CLN8: variants seen among roughly 807,000 people sequenced by gnomAD.
CLN8 encodes the protein CLN8 transmembrane ER and ERGIC protein.
A neutral mutation model predicts 15.7 loss-of-function variants in CLN8; 14 were observed. That is an observed-to-expected ratio of 0.89 (90% confidence interval 0.59 to 1.39). CLN8 has a LOEUF of 1.39. Among genes scored for constraint, CLN8 ranks in the 40% most tolerant of loss-of-function variants. The pLI is 0.00. For missense variants in CLN8, 415 were observed against 364.0 expected (o/e 1.14, Z -1.14); for synonymous variants, 188 against 151.0 (o/e 1.25, Z -1.80).
chr8:1,775,057 G>T (rs998111448), intron 2 of CLN8, among the ~76,000 whole-genome samples: 9 of 152,252 alleles, frequency 5.9e-5, no homozygotes, highest in Middle Eastern at 6.8e-3. Flanking sequence ...TATGTATACA[G>T]TCGACCTTCT....
Position 1,780,838 on chromosome 8 carries a change from G to A in CLN8, c.*271G>A, listed in dbSNP as rs1182959946. ...TAGGAGAGGAGTCCATGGTGTCCAG[G>A]CATCGGGGCGTCACACCTGTTGAGG... On this transcript the variant is annotated 3_prime_UTR_variant, in exon 3 of 3. Transcript: ENST00000331222. 17 of 534,820 alleles carry A rather than the reference G, an allele frequency of 3.2e-5. No homozygotes were observed. Among genetic ancestry groups the A allele is most frequent in the Non-Finnish European group, 4.7e-5 (14 of 300,114 alleles). 33.1% of individuals were successfully genotyped at this position (534,820 alleles called of 1,614,324 possible). A position where few individuals can be genotyped will look rare whatever the true frequency, so the allele number is the denominator to read the frequency against.
rs768139689 is a variant in CLN8, at chr8:1,771,577, G to A, written c.523G>A (p.Val175Ile). 112 of 1,613,802 alleles carry A rather than the reference G, an allele frequency of 6.9e-5. No individual in the cohort carries two copies. Among genetic ancestry groups the A allele is most frequent in the South Asian group, 5.7e-4 (52 of 91,086 alleles). ...LLEMSTPFTC[V>I]SWMLLKAGWS... is the part of the protein sequence containing the mutation. ...GGAGATGAGCACGCCCTTTACCTGC[G>A]TTTCCTGGATGCTCTTAAAGGTAAG... Residue 175 changes from valine to isoleucine, a missense_variant, in exon 2 of 3, where the codon GTT (valine) becomes ATT (isoleucine). Coordinates refer to ENST00000331222, the MANE Select transcript of CLN8 (RefSeq NM_018941.4).
At chr8:1,768,381 C>T (rs1801151327) in intron 1 of CLN8, among the ~76,000 whole-genome samples, 1 of 152,206 alleles carries the variant, frequency 6.6e-6, no homozygotes, top group South Asian at 2.1e-4. Context: ...TGAAGCATCA[C>T]TTGGGCTCAC....
At position 1,771,046 on chromosome 8, in the gene CLN8, C is replaced by A. The variant is rs953594605; in HGVS notation, c.-9C>A. ...GCCCCAGGACTCCTTTGGAATATAG[C>A]TGTGGACAATGAATCCTGCGAGCGA... On this transcript the variant is annotated 5_prime_UTR_variant, in exon 2 of 3. It adds an upstream start codon to the 5' untranslated region. Coordinates refer to ENST00000331222, the MANE Select transcript of CLN8 (RefSeq NM_018941.4). 2 of 1,613,820 alleles carry A rather than the reference C, an allele frequency of 1.2e-6. No individual in the cohort carries two copies. Among genetic ancestry groups the A allele is most frequent in the Non-Finnish European group, 1.7e-6 (2 of 1,179,986 alleles).
chr8:1,761,884 C>T (rs571177008), upstream of CLN8: 1 of 152,310 alleles, frequency 6.6e-6, no homozygotes, highest in Admixed American at 6.5e-5. Flanking sequence ...TCCCCAGGAG[C>T]AATTTAGGGA....
intron 1 of CLN8, among the ~76,000 whole-genome samples, chr8:1,769,974 C>G (rs368426699): frequency 2.6e-4 from 39 of 152,282 alleles, no homozygotes; most frequent in African/African-American, 7.9e-4. Context: ...ACAGCAGTCC[C>G]AATCAGTCAC....
At position 1,784,139 on chromosome 8, in the gene CLN8, GC is replaced by G. The variant is rs1248414613; in HGVS notation, c.*3573del. 1 of 152,230 alleles carries G rather than the reference GC, an allele frequency of 6.6e-6. No homozygotes were observed. The highest frequency in any genetic ancestry group is 1.5e-5 in the Non-Finnish European group (1 of 68,112). The allele number at this position is 152,230 out of a possible 1,614,324, so 9.4% of individuals were successfully genotyped here. On this transcript the variant is annotated 3_prime_UTR_variant, in exon 3 of 3. Coordinates refer to ENST00000331222, the MANE Select transcript of CLN8 (RefSeq NM_018941.4). ...CATCTCTACTAAAAAAACAAAACTA[GC>G]TGGGGGTGGTGGTGCATGCCTGTGG...
Position 1,771,389 on chromosome 8 carries a change from G to T in CLN8, c.335G>T (p.Gly112Val), listed in dbSNP as rs1304439072. 2 of 1,614,060 alleles carry T rather than the reference G, an allele frequency of 1.2e-6. No homozygotes were observed. The highest frequency in any genetic ancestry group is 4.5e-5 in the East Asian group (2 of 44,884). Residue 112 changes from glycine (G) to valine (V), a missense_variant, in exon 2 of 3, where the codon GGA becomes GTA. Physicochemically the swap from Gly to Val is moderately radical, Grantham distance 109. Transcript: ENST00000331222. ...WCWFHITTAT[G>V]FFCFENVAVH... is the part of the protein sequence containing the mutation. ...TGGTTTCACATCACGACAGCAACGGGATTCTTTTGCTTTGAAAATGTTGCA... is the reference window on the plus strand; with the variant it reads ...TGGTTTCACATCACGACAGCAACGGTATTCTTTTGCTTTGAAAATGTTGCA...
intron 2 of CLN8, chr8:1,773,920 A>G (rs1379146956): frequency 6.6e-6 from 1 of 152,274 alleles, no homozygotes. Context: ...TGACTAAATT[A>G]TTAATACATC....
Position 1,784,635 on chromosome 8 carries a change from C to G in CLN8, c.*4068C>G, listed in dbSNP as rs1801785602. 1 of 152,336 alleles carries G rather than the reference C, an allele frequency of 6.6e-6. No homozygotes were observed. Among genetic ancestry groups the G allele is most frequent in the Non-Finnish European group, 1.5e-5 (1 of 68,168 alleles). 9.4% of individuals were successfully genotyped at this position (152,336 alleles called of 1,614,324 possible). On this transcript the variant is annotated 3_prime_UTR_variant, in exon 3 of 3. Coordinates refer to ENST00000331222, the MANE Select transcript of CLN8 (RefSeq NM_018941.4). The stretch of plus-strand genomic sequence containing the variant: ...CGGGCAGGGTTGCATCTGTTTTATT[C>G]TCTGATTGATTCTAAGCCCCATGTC...
Position 1,770,984 on chromosome 8 carries a change from C to T in CLN8, c.-71C>T, listed in dbSNP as rs566084111. ...GGGACCGCTGCACTGACTTCATTTCCTTAGACAAGACACAGTGTAGGGCCC... is the reference window on the plus strand; with the variant it reads ...GGGACCGCTGCACTGACTTCATTTCTTTAGACAAGACACAGTGTAGGGCCC... On this transcript the variant is annotated 5_prime_UTR_variant, in exon 2 of 3. Coordinates refer to ENST00000331222, the MANE Select transcript of CLN8 (RefSeq NM_018941.4). 3.4e-6 allele frequency: 5 copies of T among 1,461,416 alleles called. No homozygotes were observed. The South Asian group carries it at 5.7e-5, about 17-fold the overall frequency. 90.5% of individuals were successfully genotyped at this position (1,461,416 alleles called of 1,614,324 possible). A position where few individuals can be genotyped will look rare whatever the true frequency, so the allele number is the denominator to read the frequency against.
chr8:1,762,061 C>T (rs575790995), upstream of CLN8: 9 of 152,332 alleles, frequency 5.9e-5, no homozygotes, highest in Admixed American at 5.9e-4. Flanking sequence ...GGCCTACACC[C>T]AGGAATGAAC....
intron 2 of CLN8, among the ~76,000 whole-genome samples, chr8:1,774,172 G>C (rs1024026333): frequency 2.6e-5 from 4 of 152,170 alleles, no homozygotes; most frequent in African/African-American, 9.7e-5. Context: ...TGGTGGTGGA[G>C]CCCAGCCTCC....
At chr8:1,753,407 C>T (rs773244774), upstream of CLN8, among the ~76,000 whole-genome samples, 1 of 151,798 alleles carries the variant, frequency 6.6e-6, no homozygotes. Flanking sequence ...CCCATCTCTA[C>T]TAAAAATACA....
chr8:1,771,125 G>A lies in CLN8; in HGVS notation c.71G>A (p.Arg24His), dbSNP rs762079123. Reference protein sequence around the residue: ...FDLDYASWGIRSTLMVAGFVF... With the variant: ...FDLDYASWGIHSTLMVAGFVF... ...CTGGACTATGCATCCTGGGGGATCC[G>A]CTCCACGCTGATGGTCGCTGGCTTT... Residue 24 changes from arginine (R) to histidine (H), a missense_variant, in exon 2 of 3, where the codon CGC (arginine) becomes CAC (histidine). Coordinates refer to ENST00000331222, the MANE Select transcript of CLN8 (RefSeq NM_018941.4). 8 of 1,614,002 alleles carry A rather than the reference G, an allele frequency of 5.0e-6. No individual in the cohort carries two copies. In the East Asian group the frequency reaches 6.7e-5, roughly 13 times the overall value.
chr8:1,783,853 G>T lies in CLN8; in HGVS notation c.*3286G>T, dbSNP rs558996077. 5 of 152,284 alleles carry T rather than the reference G, an allele frequency of 3.3e-5. No individual in the cohort carries two copies. The highest frequency in any genetic ancestry group is 1.2e-4 in the African/African-American group (5 of 41,476). The allele number at this position is 152,284 out of a possible 1,614,324, so 9.4% of individuals were successfully genotyped here. A position where few individuals can be genotyped will look rare whatever the true frequency, so the allele number is the denominator to read the frequency against. On this transcript the variant is annotated 3_prime_UTR_variant, in exon 3 of 3. Coordinates refer to ENST00000331222, the MANE Select transcript of CLN8 (RefSeq NM_018941.4). ...TGACGTGCCCAAGGTGACGCAACTC[G>T]TGAACAGCCGTGCCTGCCTTGGGCG...
chr8:1,765,999 AG>A (rs1318240926), intron 1 of CLN8, among the ~76,000 whole-genome samples: 1 of 152,214 alleles, frequency 6.6e-6, no homozygotes, highest in Non-Finnish European at 1.5e-5. Flanking sequence ...TATCCATAGC[AG>A]TTTAGCCCCC....
upstream of CLN8, chr8:1,758,996 T>C (rs1273347861): frequency 3.9e-5 from 6 of 152,246 alleles, no homozygotes; most frequent in East Asian, 9.7e-4. Flanking sequence ...GTCAAAGAAA[T>C]ATATTCTGGG....
rs1410788848 is a variant in CLN8 at position 1,770,939 on chromosome 8, A to T, written c.-116A>T. ...GAATGATCTTTCTTTTAGATTGAAGATGGATACGTGACAATCCCAGGGACC... is the reference window on the plus strand; with the variant it reads ...GAATGATCTTTCTTTTAGATTGAAGTTGGATACGTGACAATCCCAGGGACC... On this transcript the variant is annotated 5_prime_UTR_variant, in exon 2 of 3. It removes an upstream start codon present in the reference 5' UTR. Transcript: ENST00000331222. 2.2e-6 allele frequency: 2 copies of T among 893,848 alleles called. No homozygotes were observed. Among genetic ancestry groups the T allele is most frequent in the Admixed American group, 3.9e-5 (2 of 51,860 alleles). The allele number at this position is 893,848 out of a possible 1,614,324, so 55.4% of individuals were successfully genotyped here.
Sources: gnomAD v4.1 joint callset for allele counts (sites outside exome capture counted in the v4.1 genomes callset) on GRCh38, gnomAD v4.1.1 for gene constraint, MANE v1.5 for transcripts, NCBI Gene and HGNC (gene_info 2026-07-23, HGNC 2026-07-21) for gene names.